TTC28: variants seen among roughly 807,000 people sequenced by gnomAD.
TTC28 encodes tetratricopeptide repeat domain 28, also known as tetratricopeptide repeat protein 28.
Under a neutral mutation model 198.0 loss-of-function variants are expected in TTC28, and 61 were observed. The ratio of observed to expected loss-of-function variants is 0.31; its 90% CI spans 0.25 to 0.38. The LOEUF is 0.38. Among genes scored for constraint, TTC28 ranks in the 10% least tolerant of loss-of-function variants. TTC28 has a pLI of 1.00. For synonymous variants in TTC28, 1,171 were observed against 1,297.8 expected, an observed-to-expected ratio of 0.90 and a Z score of 2.10; for missense variants, 2,678 against 3,164.0, an observed-to-expected ratio of 0.85 and a Z score of 3.69.
intron 2 of TTC28, among the ~76,000 whole-genome samples, chr22:28,460,624 T>C (rs1219214728): frequency 1.0e-5 from 1 of 99,326 alleles, no homozygotes; most frequent in Non-Finnish European, 2.1e-5. Flanking sequence ...GATAGATAGA[T>C]AGATAGATAG....
At chr22:28,387,310 G>A (rs983069222) in intron 2 of TTC28, among the ~76,000 whole-genome samples, 70 of 152,268 alleles carry the variant, frequency 4.6e-4, no homozygotes, top group Non-Finnish European at 5.7e-4. Context: ...ACATACGTGT[G>A]CATGTGTCTT....
At position 27,982,836 on chromosome 22, in the gene TTC28, C is replaced by G. The variant is rs777222069; in HGVS notation, c.6831G>C (p.Gln2277His). Residue 2277 changes from glutamine to histidine, a missense_variant, in exon 23 of 23, where the codon CAG becomes CAC. Around this residue, in one of 8 missense-constraint regions of TTC28, gnomAD observed 622 missense variants for 656.0 expected, o/e 0.95. Transcript: ENST00000397906. The surrounding 1 kb of genome is among the most constrained non-coding windows in gnomAD (Gnocchi z 5.2). ...AGAGAGGCTGGTCCAGCTGGGAAGTCTGTGAGTCGCAGCCGGGCGATGGCC... is the reference window on the plus strand; with the variant it reads ...AGAGAGGCTGGTCCAGCTGGGAAGTGTGTGAGTCGCAGCCGGGCGATGGCC... ...SGRPSPGCDS[Q>H]TSQLDQPLFK... 6.5e-7 allele frequency: 1 copy of G among 1,541,488 alleles called. No individual in the cohort carries two copies. Among genetic ancestry groups the G allele is most frequent in the South Asian group, 1.2e-5 (1 of 82,684 alleles).
chr22:28,509,471 T>A (rs966925563), intron 2 of TTC28, among the ~76,000 whole-genome samples: 6 of 152,214 alleles, frequency 3.9e-5, no homozygotes, highest in Non-Finnish European at 8.8e-5. Context: ...ATCAAGAAGT[T>A]CTTTGAAACT....
chr22:28,653,268 C>A (rs1315740997), intron 1 of TTC28, among the ~76,000 whole-genome samples: 1 of 152,114 alleles, frequency 6.6e-6, no homozygotes, highest in South Asian at 2.1e-4. Flanking sequence ...CTTTGGGAGG[C>A]CAAGGCAGGT....
chr22:28,649,212 T>C (rs1280832813), intron 1 of TTC28, among the ~76,000 whole-genome samples: 1 of 151,438 alleles, frequency 6.6e-6, no homozygotes, highest in Non-Finnish European at 1.5e-5. Context: ...ACTCAGGAGG[T>C]AGGAGGTGGG....
At chr22:28,346,591 T>C (rs2045905487) in intron 2 of TTC28, among the ~76,000 whole-genome samples, 1 of 152,298 alleles carries the variant, frequency 6.6e-6, no homozygotes, top group South Asian at 2.1e-4. Context: ...TAATAGCTCT[T>C]GCCAAGTGAC....
Position 28,030,269 on chromosome 22 carries a change from T to C in TTC28, c.4030A>G (p.Thr1344Ala), listed in dbSNP as rs1939021670. Residue 1344 changes from threonine (T) to alanine (A), a missense_variant, in exon 13 of 23, where the codon ACT (threonine) becomes GCT (alanine). Thr to Ala is a moderately conservative substitution (Grantham distance 58, BLOSUM62 0). This residue lies in a region of TTC28 where 727 missense variants were observed against 861.9 expected (regional missense o/e 0.84). Coordinates refer to ENST00000397906, the MANE Select transcript of TTC28 (RefSeq NM_001145418.2). ...CGGCGAACCATCCGCAGAAAGCCAG[T>C]GGGGTCAGTGACCGAGTTGAGTTTG... is the stretch of plus-strand genomic sequence containing the variant. Reference protein sequence around the residue: ...NNKLNSVTDPTGFLRMVRRNN... With the variant: ...NNKLNSVTDPAGFLRMVRRNN... The C allele has an allele frequency of 6.4e-7, 1 of 1,551,656 alleles. No homozygotes were observed. Among genetic ancestry groups the C allele is most frequent in the African/African-American group, 1.4e-5 (1 of 73,058 alleles).
At chr22:28,191,713 A>C (rs1255889090) in intron 5 of TTC28, among the ~76,000 whole-genome samples, 1 of 152,200 alleles carries the variant, frequency 6.6e-6, no homozygotes, top group Non-Finnish European at 1.5e-5. Flanking sequence ...GTCTGAGATC[A>C]AATTGCAAGG....
intron 3 of TTC28, among the ~76,000 whole-genome samples, chr22:28,299,979 C>T (rs1205676882): frequency 6.6e-6 from 1 of 152,136 alleles, no homozygotes; most frequent in Non-Finnish European, 1.5e-5. Context: ...CAAAATCATA[C>T]CACAAACGCT....
rs1416002902 is a variant in TTC28, at chr22:28,564,456, A to T, written c.381+65096T>A. 2.6e-5 allele frequency among the ~76,000 whole-genome samples: 4 copies of T among 152,164 alleles called. No individual in the cohort carries two copies. In the East Asian group the frequency reaches 7.7e-4, roughly 29 times the overall value. On this transcript the variant is annotated intron_variant, in intron 2 of 22. Coordinates refer to ENST00000397906, the MANE Select transcript of TTC28 (RefSeq NM_001145418.2). ...ACCACTAAATTCAGACTTTTGTTTT[A>T]TTTGTCCAATTTGGTTTTATTTCAA...
chr22:28,389,379 C>T (rs1026553862), intron 2 of TTC28, among the ~76,000 whole-genome samples: 2 of 151,530 alleles, frequency 1.3e-5, no homozygotes, highest in Non-Finnish European at 1.5e-5. Context: ...GGAGGATTCC[C>T]TCTTTTTCTA....
chr22:28,486,389 A>C (rs778443241), intron 2 of TTC28, among the ~76,000 whole-genome samples: 2 of 152,140 alleles, frequency 1.3e-5, no homozygotes, highest in Non-Finnish European at 2.9e-5. Flanking sequence ...ACTGAGATGA[A>C]TTGTCTCATT....
intron 6 of TTC28, among the ~76,000 whole-genome samples, chr22:28,118,521 T>G (rs530021485): frequency 6.6e-6 from 1 of 152,222 alleles, no homozygotes; most frequent in Non-Finnish European, 1.5e-5. Context: ...ACCTTCTCTA[T>G]GTTTAGATAC....
At chr22:28,505,649 G>A (rs1601482551) in intron 2 of TTC28, among the ~76,000 whole-genome samples, 1 of 152,224 alleles carries the variant, frequency 6.6e-6, no homozygotes. Context: ...TATCTGCAGA[G>A]CAGCCACTCA....
At chr22:28,308,260 A>G (rs2045184335) in intron 2 of TTC28, among the ~76,000 whole-genome samples, 1 of 152,124 alleles carries the variant, frequency 6.6e-6, no homozygotes, top group African/African-American at 2.4e-5. Context: ...TTTTCATTTC[A>G]CTTTTTAGGT....
chr22:28,465,199 A>G (rs147441366), intron 2 of TTC28, among the ~76,000 whole-genome samples: 1 of 152,362 alleles, frequency 6.6e-6, no homozygotes, highest in East Asian at 1.9e-4. Context: ...AATTCTGCAT[A>G]TAGGCAAACA....
chr22:28,175,891 A>G (rs1419652248), intron 5 of TTC28, among the ~76,000 whole-genome samples: 2 of 152,224 alleles, frequency 1.3e-5, no homozygotes, highest in Non-Finnish European at 2.9e-5. Context: ...AACGGCTATT[A>G]TAAAAAAGAT....
intron 2 of TTC28, among the ~76,000 whole-genome samples, chr22:28,352,299 A>C (rs1440138863): frequency 9.0e-6 from 1 of 111,528 alleles, no homozygotes; most frequent in Non-Finnish European, 1.8e-5. Flanking sequence ...AACCTATTAG[A>C]CAGAGATATA....
At chr22:28,106,794 G>C (rs1942319126) in intron 7 of TTC28, among the ~76,000 whole-genome samples, 1 of 152,192 alleles carries the variant, frequency 6.6e-6, no homozygotes, top group Admixed American at 6.5e-5. Context: ...TGGAGTCACA[G>C]AGCCCTGGGT....
Sources: allele counts gnomAD v4.1 joint callset (sites outside exome capture counted in the v4.1 genomes callset), GRCh38; gene constraint gnomAD v4.1.1; regional missense constraint gnomAD v4.1.1; non-coding constraint Gnocchi (gnomAD v3.1); transcripts MANE v1.5; gene names NCBI Gene and HGNC (gene_info 2026-07-23, HGNC 2026-07-21).